The following SERPINB7 variants were observed in gnomAD, a reference collection of about 807,000 sequenced individuals.
SERPINB7 encodes serpin family B member 7, also known as serpin B7.
SERPINB7 carries 31 observed loss-of-function variants against 37.4 expected under a neutral mutation model. That is an observed-to-expected ratio of 0.83 (90% CI 0.62 to 1.12). The LOEUF (loss-of-function observed/expected upper bound fraction) is 1.12. Among genes scored for constraint, SERPINB7 ranks in the 50% most tolerant of loss-of-function variants. SERPINB7 has a pLI of 0.00. For missense variants in SERPINB7, 521 were observed against 455.3 expected (o/e 1.14, Z -1.31); for synonymous variants, 163 against 166.1 (o/e 0.98, Z 0.14).
intron 4 of SERPINB7, among the ~76,000 whole-genome samples, chr18:63,795,575 T>TAA (rs2049478333): frequency 1.1e-5 from 1 of 95,146 alleles, no homozygotes; most frequent in East Asian, 3.8e-4. Flanking sequence ...AAAAAAAGAA[T>TAA]TAAAAAAAAA....
At chr18:63,755,140 A>G (rs1462573797) in intron 1 of SERPINB7, among the ~76,000 whole-genome samples, 1 of 151,328 alleles carries the variant, frequency 6.6e-6, no homozygotes, top group Non-Finnish European at 1.5e-5. Context: ...TCCTGACCTC[A>G]TGATCCACCC....
intron 2 of SERPINB7, among the ~76,000 whole-genome samples, chr18:63,790,082 A>AT (rs1408955103): frequency 6.6e-6 from 1 of 152,230 alleles, no homozygotes; most frequent in Admixed American, 6.5e-5. Flanking sequence ...TAATTAGGTG[A>AT]TAAAAACTAC....
At chr18:63,789,740 A>G (rs2049407696) in intron 2 of SERPINB7, among the ~76,000 whole-genome samples, 1 of 152,240 alleles carries the variant, frequency 6.6e-6, no homozygotes, top group African/African-American at 2.4e-5. Flanking sequence ...TGTTGCAAAG[A>G]TGCAAGATTC....
At position 63,796,277 on chromosome 18, in the gene SERPINB7, G is replaced by T. The variant is rs372414662; in HGVS notation, c.348G>T (p.Glu116Asp). The change falls in exon 5 of 8, where the codon GAG becomes GAT. Residue 116 changes from glutamate to aspartate, a missense_variant. Physicochemically the swap from Glu to Asp is conservative, Grantham distance 45. Coordinates refer to ENST00000398019, the MANE Select transcript of SERPINB7 (RefSeq NM_003784.4). ...KVYGFHKDYI[E>D]CAEKLYDAKV... is the part of the protein sequence containing the mutation. ...ATTCTTCTTTATAGGACTACATTGA[G>T]TGTGCCGAAAAATTATACGATGCCA... is the stretch of plus-strand genomic sequence containing the variant. The T allele has an allele frequency of 5.6e-6, 9 of 1,604,068 alleles. No homozygotes were observed. Among genetic ancestry groups the T allele is most frequent in the Non-Finnish European group, 7.7e-6 (9 of 1,171,032 alleles).
chr18:63,800,726 A>G, intron 6 of SERPINB7, 140 bp from the exon 7 acceptor site: 1 of 795,048 alleles, frequency 1.3e-6, no homozygotes, highest in Non-Finnish European at 2.0e-6. Context: ...TGCAACCACT[A>G]TTGGTAACAT....
chr18:63,768,543 T>A (rs2144592297), intron 1 of SERPINB7, among the ~76,000 whole-genome samples: 1 of 152,282 alleles, frequency 6.6e-6, no homozygotes, highest in Admixed American at 6.5e-5. Flanking sequence ...GCCTTTTCCC[T>A]TTCAGTGAGT....
At chr18:63,786,144 C>CGTATATATAT (rs1181124480) in intron 2 of SERPINB7, among the ~76,000 whole-genome samples, 10 of 90,000 alleles carry the variant, frequency 1.1e-4, no homozygotes, top group Non-Finnish European at 1.7e-4. Context: ...TACATATATA[C>CGTATATATAT]ACACACACAC....
Position 63,804,791 on chromosome 18 carries a change from T to C in SERPINB7, c.*156T>C, listed in dbSNP as rs2049590701. 1.5e-6 allele frequency: 1 copy of C among 678,474 alleles called. No individual in the cohort carries two copies. The highest frequency in any genetic ancestry group is 2.4e-6 in the Non-Finnish European group (1 of 409,554). The allele number at this position is 678,474 out of a possible 1,614,324, so 42.0% of individuals were successfully genotyped here. The stretch of plus-strand genomic sequence containing the variant: ...ATGACACTGGTGACTTGACCCTTCC[T>C]AGACACCTGGTTGATTGTCCTGATC... On this transcript the variant is annotated 3_prime_UTR_variant, in exon 8 of 8. Coordinates refer to ENST00000398019, the MANE Select transcript of SERPINB7 (RefSeq NM_003784.4).
chr18:63,786,039 C>CATATATAATATACATATATATACACAT (rs2049363452), intron 2 of SERPINB7, among the ~76,000 whole-genome samples: 1 of 89,844 alleles, frequency 1.1e-5, no homozygotes, highest in Non-Finnish European at 2.5e-5. Context: ...TATATATACA[C>CATATATAATATACATATATATACACAT]ATATATATAA....
chr18:63,766,645 C>A (rs565542030), intron 1 of SERPINB7, among the ~76,000 whole-genome samples: 6 of 151,960 alleles, frequency 3.9e-5, no homozygotes, highest in African/African-American at 1.4e-4. Context: ...TCTCCTTCAC[C>A]GTCTATTATT....
chr18:63,786,104 T>C (rs1253815371), intron 2 of SERPINB7, among the ~76,000 whole-genome samples: 3 of 132,618 alleles, frequency 2.3e-5, no homozygotes, highest in Non-Finnish European at 3.1e-5. Flanking sequence ...TATAAGTATA[T>C]ATATGTATAT....
intron 1 of SERPINB7, among the ~76,000 whole-genome samples, chr18:63,763,516 T>A (rs928111122): frequency 1.3e-5 from 2 of 152,222 alleles, no homozygotes; most frequent in Non-Finnish European, 2.9e-5. Flanking sequence ...TCTTTTAAAA[T>A]AATTCTGATG....
At chr18:63,757,680 G>A (rs2049129643) in intron 1 of SERPINB7, among the ~76,000 whole-genome samples, 1 of 152,192 alleles carries the variant, frequency 6.6e-6, no homozygotes, top group African/African-American at 2.4e-5. Context: ...GGCCCACAAA[G>A]CCAGACATAT....
chr18:63,786,081 T>C (rs7234044), intron 2 of SERPINB7, among the ~76,000 whole-genome samples: 2 of 124,024 alleles, frequency 1.6e-5, no homozygotes, highest in African/African-American at 4.2e-5. Flanking sequence ...TATATATACA[T>C]ATATACATAT....
chr18:63,787,651 C>A (rs1290521280), intron 2 of SERPINB7, among the ~76,000 whole-genome samples: 1 of 151,958 alleles, frequency 6.6e-6, no homozygotes, highest in Non-Finnish European at 1.5e-5. Context: ...AGCTTTAGGA[C>A]TATTAAAAAC....
intron 2 of SERPINB7, among the ~76,000 whole-genome samples, chr18:63,784,467 C>G (rs1024002414): frequency 1.3e-5 from 2 of 152,156 alleles, no homozygotes; most frequent in Non-Finnish European, 2.9e-5. Flanking sequence ...TGAAATATAG[C>G]TCAAAGTACA....
chr18:63,765,799 A>AT (rs1275933435), intron 1 of SERPINB7, among the ~76,000 whole-genome samples: 1 of 152,138 alleles, frequency 6.6e-6, no homozygotes, highest in Non-Finnish European at 1.5e-5. Context: ...CTAGAAACCG[A>AT]TTTTTTTCCT....
At chr18:63,798,049 C>T (rs2049506757) in intron 5 of SERPINB7, among the ~76,000 whole-genome samples, 1 of 152,208 alleles carries the variant, frequency 6.6e-6, no homozygotes, top group East Asian at 1.9e-4. Flanking sequence ...GTTACAACTG[C>T]TCTTTGGATG....
At chr18:63,795,086 C>A (rs1199297985) in intron 4 of SERPINB7, among the ~76,000 whole-genome samples, 2 of 152,190 alleles carry the variant, frequency 1.3e-5, no homozygotes, top group Non-Finnish European at 2.9e-5. Context: ...ATTTCTTAGG[C>A]AACTATTATG....
Sources: gnomAD v4.1 joint callset for allele counts (sites outside exome capture counted in the v4.1 genomes callset) on GRCh38, gnomAD v4.1.1 for gene constraint, MANE v1.5 for transcripts, NCBI Gene and HGNC (gene_info 2026-07-23, HGNC 2026-07-21) for gene names.